Variants in LAMB3 observed in about 807,000 individuals in gnomAD.
LAMB3 encodes laminin subunit beta-3.
LAMB3 carries 104 observed loss-of-function variants against 140.3 expected under a neutral mutation model. That is an observed-to-expected ratio of 0.74 (90% CI 0.63 to 0.87). The LOEUF (loss-of-function observed/expected upper bound fraction) is 0.87, where lower values mean the gene tolerates loss of function less well. LAMB3 is among the 40% of genes least tolerant of loss of function. The probability of loss-of-function intolerance (pLI) is 0.00; values close to 1 mark genes in which losing one functional copy is unlikely to be tolerated. For missense variants in LAMB3, 1,531 were observed against 1,575.2 expected, an observed-to-expected ratio of 0.97 and a Z score of 0.47; for synonymous variants, 592 against 602.9, an observed-to-expected ratio of 0.98 and a Z score of 0.26.
At position 209,634,532 on chromosome 1, in the gene LAMB3, A is replaced by C. The variant is rs192538322; in HGVS notation, c.479T>G (p.Val160Gly). The change falls in exon 6 of 23, where the codon GTC becomes GGC. Residue 160 changes from valine to glycine, a missense_variant. Val to Gly is a moderately radical substitution (Grantham distance 109). Coordinates refer to ENST00000356082, the MANE Select transcript of LAMB3 (RefSeq NM_000228.3). ...AADCTSTFPRVRQGRPQSWQD... is the reference protein window; with the variant it reads ...AADCTSTFPRGRQGRPQSWQD... ...CCAGCTCTGAGGCCGACCCTGGCGG[A>C]CCCGAGGGAAGGTGGAGGTGCAGTC... 5 of 1,614,022 alleles carry C rather than the reference A, an allele frequency of 3.1e-6. No individual in the cohort carries two copies. The East Asian group carries it at 8.9e-5, about 29-fold the overall frequency.
chr1:209,632,592 G>T lies in LAMB3; in HGVS notation c.813C>A (p.Thr271=), dbSNP rs146690433. Residue 271 remains threonine, a synonymous_variant, in exon 8 of 23, where the codon ACC becomes ACA. Coordinates refer to ENST00000356082, the MANE Select transcript of LAMB3 (RefSeq NM_000228.3). ...CACCCTAGGCTGTTACCTGCACAGCGGTGGAGGGGCCTGCAGAGGCCCCAG... is the reference window on the plus strand; with the variant it reads ...CACCCTAGGCTGTTACCTGCACAGCTGTGGAGGGGCCTGCAGAGGCCCCAG... The part of the protein sequence containing the change: ...PKPGASAGPS[T]AVQVHDVCVC... The T allele has an allele frequency of 3.7e-6, 6 of 1,613,652 alleles. No individual in the cohort carries two copies. Among genetic ancestry groups the T allele is most frequent in the Non-Finnish European group, 5.1e-6 (6 of 1,179,702 alleles).
At chr1:209,642,277 A>C (rs1044249041) in intron 3 of LAMB3, among the ~76,000 whole-genome samples, 2 of 152,200 alleles carry the variant, frequency 1.3e-5, no homozygotes, top group African/African-American at 2.4e-5. Flanking sequence ...ATATATTTCC[A>C]TTTAAAGGAA....
chr1:209,643,460 T>G (rs910128696), intron 3 of LAMB3, among the ~76,000 whole-genome samples: 2 of 152,192 alleles, frequency 1.3e-5, no homozygotes, highest in African/African-American at 4.8e-5. Context: ...GGCTCCTACT[T>G]GCTCTCCAGC....
At chr1:209,636,679 C>A (rs913040643) in intron 5 of LAMB3, among the ~76,000 whole-genome samples, 11 of 152,186 alleles carry the variant, frequency 7.2e-5, no homozygotes, top group African/African-American at 2.7e-4. Flanking sequence ...CATCTTCTTG[C>A]CGCCTGCCTC....
chr1:209,618,318 T>C, intron 19 of LAMB3, 134 bp downstream of exon 19: 1 of 966,600 alleles, frequency 1.0e-6, no homozygotes, highest in Non-Finnish European at 1.6e-6. Flanking sequence ...CTGGACTCTG[T>C]GTACCACTCT....
chr1:209,627,092 C>T (rs958704569), intron 12 of LAMB3, 114 bp from the exon 13 acceptor site: 24 of 829,246 alleles, frequency 2.9e-5, no homozygotes, highest in African/African-American at 2.5e-4. Flanking sequence ...GGCTCATGGC[C>T]ACCTCCAGAG....
intron 11 of LAMB3, among the ~76,000 whole-genome samples, chr1:209,627,782 T>C (rs531920508): frequency 1.3e-5 from 2 of 152,242 alleles, no homozygotes; most frequent in Admixed American, 1.3e-4. Flanking sequence ...CTGCCCACCC[T>C]CCATCTGGCT....
chr1:209,651,282 C>T lies in LAMB3; in HGVS notation c.-37-301G>A, dbSNP rs560478488. ...TGGACCCTGCCCTACCCCACACAGC[C>T]GTAAGGACAACGTGGGGAGCAGGAA... is the stretch of plus-strand genomic sequence containing the variant. On this transcript the variant is annotated intron_variant, in intron 1 of 22. Transcript: ENST00000356082. 7.3e-5 allele frequency: 28 copies of T among 381,846 alleles called. No individual in the cohort carries two copies. In the Middle Eastern group the frequency reaches 3.3e-3, roughly 44 times the overall value. The allele number at this position is 381,846 out of a possible 1,614,324, so 23.7% of individuals were successfully genotyped here.
chr1:209,633,267 C>G (rs942309178), intron 6 of LAMB3, 134 bp from the exon 7 acceptor site: 4 of 733,378 alleles, frequency 5.5e-6, no homozygotes, highest in Non-Finnish European at 1.0e-5. Flanking sequence ...TAGACCATGG[C>G]TATGAGGCTT....
At chr1:209,616,875 A>G (rs1665987055) in intron 21 of LAMB3, among the ~76,000 whole-genome samples, 1 of 152,164 alleles carries the variant, frequency 6.6e-6, no homozygotes, top group Non-Finnish European at 1.5e-5. Context: ...CAGTCACATC[A>G]TAGGATATTA....
chr1:209,623,869 A>G lies in LAMB3; in HGVS notation c.2108T>C (p.Phe703Ser), dbSNP rs761136720. 1.4e-5 allele frequency: 22 copies of G among 1,613,926 alleles called. No homozygotes were observed. The highest frequency in any genetic ancestry group is 2.5e-6 in the Non-Finnish European group (3 of 1,180,006). ...LTMYQRKREQ[F>S]EKISSADPSG... Reference sequence around the variant, plus strand: ...AGGATCAGCACTGCTTATTTTTTCAAACTGCTCCCTCTTCCTCTGATACAT... The same window carrying G: ...AGGATCAGCACTGCTTATTTTTTCAGACTGCTCCCTCTTCCTCTGATACAT... The change falls in exon 15 of 23, where the codon TTT becomes TCT. Residue 703 changes from phenylalanine (F) to serine (S), a missense_variant. Physicochemically the swap from Phe to Ser is radical, Grantham distance 155. Coordinates refer to ENST00000356082, the MANE Select transcript of LAMB3 (RefSeq NM_000228.3). The surrounding 1 kb of genome is among the most constrained non-coding windows in gnomAD (Gnocchi z 4.2).
intron 18 of LAMB3, among the ~76,000 whole-genome samples, chr1:209,618,979 G>A (rs547602814): frequency 2.7e-4 from 41 of 152,352 alleles, no homozygotes; most frequent in Admixed American, 9.8e-4. Flanking sequence ...CAGACAGCTG[G>A]TACTGAACAA....
chr1:209,633,530 C>A (rs1433216428), intron 6 of LAMB3, among the ~76,000 whole-genome samples: 1 of 151,610 alleles, frequency 6.6e-6, no homozygotes. Context: ...GCACTCTGGA[C>A]AATCCCAGTT....
At chr1:209,632,080 C>A (rs965818410) in intron 8 of LAMB3, among the ~76,000 whole-genome samples, 1 of 152,144 alleles carries the variant, frequency 6.6e-6, no homozygotes, top group African/African-American at 2.4e-5. Flanking sequence ...GAAGCCAATC[C>A]GCCTGGTCTA....
chr1:209,628,426 G>A (rs1344734192), intron 10 of LAMB3, among the ~76,000 whole-genome samples: 5 of 152,218 alleles, frequency 3.3e-5, no homozygotes, highest in Non-Finnish European at 4.4e-5. Flanking sequence ...GGCTGTGCGC[G>A]GTGGCTCATG....
Position 209,623,196 on chromosome 1 carries a change from G to A in LAMB3, c.2359-17C>T, listed in dbSNP as rs769266951. On this transcript the variant is annotated splice_polypyrimidine_tract_variant and intron_variant, in intron 16 of 22. Coordinates refer to ENST00000356082, the MANE Select transcript of LAMB3 (RefSeq NM_000228.3). The surrounding 1 kb of genome is among the most constrained non-coding windows in gnomAD (Gnocchi z 4.2). ...GCCACAGAGCTGTGGACAGATGGCG[G>A]TGTTAAAGAGGCTACCCAAAGCCCC... 3 of 1,613,636 alleles carry A rather than the reference G, an allele frequency of 1.9e-6. No individual in the cohort carries two copies. Among genetic ancestry groups the A allele is most frequent in the South Asian group, 1.1e-5 (1 of 91,062 alleles).
In LAMB3 at chr1:209,623,626, C is replaced by T. The variant is rs373170122; in HGVS notation, c.2237G>A (p.Arg746Gln). 2.5e-5 allele frequency: 41 copies of T among 1,614,102 alleles called. No homozygotes were observed. Among genetic ancestry groups the T allele is most frequent in the Non-Finnish European group, 2.9e-5 (34 of 1,180,048 alleles). ...SRLLDQLRDS[R>Q]REAERLVRQA... ...CCGCACCAGCCTCTCTGCCTCTCTCCGGCTGTCCCTGAGCTGGTCCAAAAG... is the reference window on the plus strand; with the variant it reads ...CCGCACCAGCCTCTCTGCCTCTCTCTGGCTGTCCCTGAGCTGGTCCAAAAG... The change falls in exon 16 of 23, where the codon CGG becomes CAG. Residue 746 changes from arginine (R) to glutamine (Q), a missense_variant. Transcript: ENST00000356082. The surrounding 1 kb of genome is among the most constrained non-coding windows in gnomAD (Gnocchi z 4.2).
intron 4 of LAMB3, 90 bp downstream of exon 4, chr1:209,638,444 G>A (rs1267042447): frequency 3.5e-6 from 3 of 854,052 alleles, no homozygotes; most frequent in Non-Finnish European, 6.1e-6. Flanking sequence ...AGAAATGCCT[G>A]GGAAACCCAA....
At chr1:209,647,392 G>T (rs111597202) in intron 3 of LAMB3, among the ~76,000 whole-genome samples, 2 of 152,198 alleles carry the variant, frequency 1.3e-5, no homozygotes, top group Non-Finnish European at 2.9e-5. Flanking sequence ...TCTGTTAGTC[G>T]GCTGGAACTG....
Sources: gnomAD v4.1 joint callset for allele counts (sites outside exome capture counted in the v4.1 genomes callset) on GRCh38, gnomAD v4.1.1 for gene constraint, Gnocchi (gnomAD v3.1) non-coding constraint, MANE v1.5 for transcripts, NCBI Gene and HGNC (gene_info 2026-07-23, HGNC 2026-07-21) for gene names.